Variants in SORCS2 observed in about 807,000 individuals in gnomAD.
SORCS2 encodes the protein VPS10 domain-containing receptor SorCS2.
SORCS2 carries 100 observed loss-of-function variants against 141.6 expected under a neutral mutation model. That is an observed-to-expected ratio of 0.71 (90% CI 0.60 to 0.83). SORCS2 has a LOEUF of 0.83. SORCS2 is among the 40% of genes least tolerant of loss of function. SORCS2 has a pLI of 0.00. For missense variants in SORCS2, 1,646 were observed against 1,560.2 expected (o/e 1.05, Z -0.93); for synonymous variants, 789 against 676.9 (o/e 1.17, Z -2.57).
At chr4:7,397,997 C>A (rs905355544) in intron 2 of SORCS2, among the ~76,000 whole-genome samples, 1 of 152,254 alleles carries the variant, frequency 6.6e-6, no homozygotes, top group African/African-American at 2.4e-5. Context: ...AGAGTACCCG[C>A]TTCCCTCCCC....
chr4:7,588,403 C>T (rs1047117766), intron 3 of SORCS2, among the ~76,000 whole-genome samples: 2 of 152,178 alleles, frequency 1.3e-5, no homozygotes, highest in South Asian at 4.1e-4. Flanking sequence ...TTGGAAATCC[C>T]TACATTTCTC....
intron 1 of SORCS2, among the ~76,000 whole-genome samples, chr4:7,264,158 A>G (rs558549827): frequency 6.6e-6 from 1 of 152,286 alleles, no homozygotes; most frequent in South Asian, 2.1e-4. Flanking sequence ...TCAGAGGTGA[A>G]ATCCCTAAGT....
chr4:7,458,261 G>T (rs1358353333), intron 2 of SORCS2, among the ~76,000 whole-genome samples: 1 of 152,146 alleles, frequency 6.6e-6, no homozygotes, highest in South Asian at 2.1e-4. Context: ...CAGGCTGTAG[G>T]TTGGAGGCAG....
chr4:7,539,291 T>C (rs1271066488), intron 3 of SORCS2, among the ~76,000 whole-genome samples: 2 of 152,186 alleles, frequency 1.3e-5, no homozygotes, highest in African/African-American at 4.8e-5. Flanking sequence ...CCAAGTTCTC[T>C]GGACCTCATA....
At chr4:7,330,537 G>A (rs1719589787) in intron 1 of SORCS2, among the ~76,000 whole-genome samples, 2 of 151,720 alleles carry the variant, frequency 1.3e-5, no homozygotes, top group South Asian at 2.1e-4. Context: ...CCTGGGGCTT[G>A]TGGCTGGGGC....
intron 2 of SORCS2, chr4:7,432,694 A>T (rs1270964753): frequency 6.6e-6 from 1 of 150,610 alleles, no homozygotes; most frequent in East Asian, 1.9e-4. Context: ...ATGGGGGGGG[A>T]CTGCTCCGAA....
chr4:7,327,043 C>T (rs1022300096), intron 1 of SORCS2, among the ~76,000 whole-genome samples: 1 of 152,218 alleles, frequency 6.6e-6, no homozygotes, highest in African/African-American at 2.4e-5. Flanking sequence ...TCACTGTGAC[C>T]TGGATCCAGC....
intron 1 of SORCS2, among the ~76,000 whole-genome samples, chr4:7,264,428 G>A (rs955776572): frequency 1.3e-5 from 2 of 152,240 alleles, no homozygotes; most frequent in African/African-American, 4.8e-5. Flanking sequence ...CCCCTAGCTG[G>A]CCTGGCCTTA....
intron 2 of SORCS2, among the ~76,000 whole-genome samples, chr4:7,478,944 C>T (rs571924313): frequency 2.6e-5 from 4 of 152,340 alleles, no homozygotes; most frequent in East Asian, 1.9e-4. Context: ...CCTCTCCTGA[C>T]GGGCTCTCCT....
chr4:7,327,653 T>G (rs1231371362), intron 1 of SORCS2, among the ~76,000 whole-genome samples: 1 of 152,194 alleles, frequency 6.6e-6, no homozygotes, highest in East Asian at 1.9e-4. Context: ...CCTCCAGGCC[T>G]TTGCCCCTGC....
intron 2 of SORCS2, among the ~76,000 whole-genome samples, chr4:7,458,162 G>T (rs917602381): frequency 1.3e-5 from 2 of 152,208 alleles, no homozygotes; most frequent in Non-Finnish European, 2.9e-5. Flanking sequence ...CTTGTGGGCA[G>T]CACCGAGGCC....
intron 26 of SORCS2, among the ~76,000 whole-genome samples, chr4:7,739,396 C>T (rs1483646348): frequency 6.6e-6 from 1 of 152,146 alleles, no homozygotes; most frequent in Non-Finnish European, 1.5e-5. Context: ...GAAGACAGGG[C>T]TCGGCTCCCC....
At chr4:7,374,479 G>A (rs1722505264) in intron 1 of SORCS2, among the ~76,000 whole-genome samples, 1 of 152,132 alleles carries the variant, frequency 6.6e-6, no homozygotes, top group Non-Finnish European at 1.5e-5. Context: ...AGCATTGGCA[G>A]CAGCCCTGGG....
intron 1 of SORCS2, among the ~76,000 whole-genome samples, chr4:7,259,020 A>G (rs1030200485): frequency 6.6e-6 from 1 of 152,012 alleles, no homozygotes; most frequent in African/African-American, 2.4e-5. Flanking sequence ...TAGATTCTGG[A>G]TATTAGCCCT....
chr4:7,196,701 G>C (rs571514553), intron 1 of SORCS2, among the ~76,000 whole-genome samples: 1 of 148,282 alleles, frequency 6.7e-6, no homozygotes, highest in African/African-American at 2.5e-5. Flanking sequence ...TACATGGTTA[G>C]TGGTATCCAA....
intron 14 of SORCS2, among the ~76,000 whole-genome samples, chr4:7,708,055 T>C (rs1725583421): frequency 1.3e-5 from 2 of 152,144 alleles, no homozygotes; most frequent in South Asian, 4.1e-4. Context: ...GTCAGGAGGA[T>C]TCCGGGAAGC....
intron 1 of SORCS2, among the ~76,000 whole-genome samples, chr4:7,198,486 C>A (rs1727297006): frequency 6.6e-6 from 1 of 152,134 alleles, no homozygotes; most frequent in African/African-American, 2.4e-5. Context: ...ATGGTGTGGG[C>A]CTCCCAGCAT....
At chr4:7,527,796 A>G (rs891895381) in intron 2 of SORCS2, among the ~76,000 whole-genome samples, 1 of 152,130 alleles carries the variant, frequency 6.6e-6, no homozygotes, top group African/African-American at 2.4e-5. Flanking sequence ...AAGGGTACCC[A>G]GACTAAGGTG....
chr4:7,370,005 G>A (rs1459737059), intron 1 of SORCS2, among the ~76,000 whole-genome samples: 3 of 152,192 alleles, frequency 2.0e-5, no homozygotes, highest in Non-Finnish European at 4.4e-5. Context: ...TTTCCTCCTC[G>A]ATAAAATAGA....
Sources: gnomAD v4.1 joint callset for allele counts (sites outside exome capture counted in the v4.1 genomes callset) on GRCh38, gnomAD v4.1.1 for gene constraint, MANE v1.5 for transcripts, NCBI Gene and HGNC (gene_info 2026-07-23, HGNC 2026-07-21) for gene names.